The following OPRK1 variants were observed in gnomAD, a reference collection of about 807,000 sequenced individuals.
OPRK1 encodes opioid receptor kappa 1.
Under a neutral mutation model 24.5 loss-of-function variants are expected in OPRK1, and 15 were observed. The ratio of observed to expected loss-of-function variants is 0.61; its 90% CI spans 0.41 to 0.94. OPRK1 has a LOEUF of 0.94. Ranked by LOEUF, OPRK1 falls within the 40% of genes least tolerant of loss-of-function variation. The pLI, the probability that OPRK1 is intolerant of heterozygous loss-of-function variation, is 0.00. For missense variants in OPRK1, 479 were observed against 507.3 expected (o/e 0.94, Z 0.54); for synonymous variants, 205 against 198.0 (o/e 1.04, Z -0.30).
intron 2 of OPRK1, among the ~76,000 whole-genome samples, chr8:53,247,059 T>C (rs1807246947): frequency 6.6e-6 from 1 of 152,196 alleles, no homozygotes; most frequent in Non-Finnish European, 1.5e-5. Flanking sequence ...GGTAGGTTAC[T>C]GGCTTGATCA....
chr8:53,250,068 TCCAC>T (rs1302926656), intron 2 of OPRK1, among the ~76,000 whole-genome samples: 1 of 127,180 alleles, frequency 7.9e-6, no homozygotes, highest in Non-Finnish European at 1.6e-5. Context: ...TGAAGAAATT[TCCAC>T]ACACACACAC....
chr8:53,248,231 C>G (rs1807281063), intron 2 of OPRK1, among the ~76,000 whole-genome samples: 1 of 151,998 alleles, frequency 6.6e-6, no homozygotes, highest in Non-Finnish European at 1.5e-5. Flanking sequence ...TCCAGGGGCC[C>G]AAGGTGGGAA....
chr8:53,238,935 G>A (rs973359705), intron 2 of OPRK1, among the ~76,000 whole-genome samples: 1 of 152,196 alleles, frequency 6.6e-6, no homozygotes, highest in African/African-American at 2.4e-5. Flanking sequence ...TGCTGTTGAG[G>A]TGCATTGCCT....
chr8:53,234,991 A>C lies in OPRK1; in HGVS notation c.378T>G (p.Phe126Leu), dbSNP rs1385730017. 4 of 1,614,208 alleles carry C rather than the reference A, an allele frequency of 2.5e-6. No individual in the cohort carries two copies. Among genetic ancestry groups the C allele is most frequent in the Non-Finnish European group, 3.4e-6 (4 of 1,180,030 alleles). ...TTACTATCTTGCACAGCACATCCCC[A>C]AAAGGCCAGGAATTCATCAAGTAGA... is the stretch of plus-strand genomic sequence containing the variant. ...STVYLMNSWPFGDVLCKIVIS... is the reference protein window; with the variant it reads ...STVYLMNSWPLGDVLCKIVIS... Residue 126 changes from phenylalanine to leucine, a missense_variant, in exon 3 of 4, where the codon TTT (phenylalanine) becomes TTG (leucine). Coordinates refer to ENST00000265572, the MANE Select transcript of OPRK1 (RefSeq NM_000912.5).
At position 53,227,020 on chromosome 8, in the gene OPRK1, G is replaced by A. The variant is rs991497183; in HGVS notation, c.*2277C>T. The A allele has an allele frequency of 6.6e-6, 1 of 152,296 alleles. No individual in the cohort carries two copies. Among genetic ancestry groups the A allele is most frequent in the Non-Finnish European group, 1.5e-5 (1 of 68,096 alleles). 9.4% of individuals were successfully genotyped at this position (152,296 alleles called of 1,614,324 possible). ...CATCTGTAATCCCAGCACTTTGGGA[G>A]GCCGAGGCAGGTGAATATTCTGAGG... On this transcript the variant is annotated 3_prime_UTR_variant, in exon 4 of 4. Transcript: ENST00000265572.
intron 2 of OPRK1, among the ~76,000 whole-genome samples, chr8:53,239,612 C>T (rs1159861132): frequency 6.6e-6 from 1 of 152,194 alleles, no homozygotes; most frequent in Non-Finnish European, 1.5e-5. Flanking sequence ...GTGACAGACA[C>T]TGTCTGGGGA....
At chr8:53,231,845 C>T (rs780804400) in intron 3 of OPRK1, among the ~76,000 whole-genome samples, 4 of 152,146 alleles carry the variant, frequency 2.6e-5, no homozygotes, top group African/African-American at 4.8e-5. Flanking sequence ...AAGCAGAAGC[C>T]GCACAGGGCT....
chr8:53,234,182 C>CAAAAAAAAAAAAAAAAAAAAAAAAAAA lies in OPRK1; in HGVS notation c.610+576_610+577insTTTTTTTTTTTTTTTTTTTTTTTTTTT, dbSNP rs546459906. ...CTGGCAACAGAGCAAGACTCTCTCTCAAAAAAAAAAAAAAAAAAAAATCAG... is the reference window on the plus strand; with the variant it reads ...CTGGCAACAGAGCAAGACTCTCTCTCAAAAAAAAAAAAAAAAAAAAAAAAAAAAAAAAAAAAAAAAAAAAAAAATCAG... On this transcript the variant is annotated intron_variant, in intron 3 of 3. Transcript: ENST00000265572. Among the ~76,000 whole-genome samples, 40 of 65,342 alleles carry CAAAAAAAAAAAAAAAAAAAAAAAAAAA rather than the reference C, an allele frequency of 6.1e-4. 3 individuals are homozygous for CAAAAAAAAAAAAAAAAAAAAAAAAAAA. The highest frequency in any genetic ancestry group is 1.6e-3 in the African/African-American group (20 of 12,454). The allele number at this position is 65,342 out of a possible 152,430, so 42.9% of individuals were successfully genotyped here. A position where few individuals can be genotyped will look rare whatever the true frequency, so the allele number is the denominator to read the frequency against.
intron 2 of OPRK1, among the ~76,000 whole-genome samples, chr8:53,245,947 G>A (rs1807217291): frequency 6.6e-6 from 1 of 152,150 alleles, no homozygotes; most frequent in South Asian, 2.1e-4. Flanking sequence ...TGTCTCTCCT[G>A]ACTTCCTATC....
chr8:53,245,760 C>T (rs1807213728), intron 2 of OPRK1, among the ~76,000 whole-genome samples: 1 of 152,100 alleles, frequency 6.6e-6, no homozygotes, highest in African/African-American at 2.4e-5. Context: ...ACACTCATCT[C>T]GGTACTGCTG....
Position 53,233,263 on chromosome 8 carries a change from C to T in OPRK1, c.610+1496G>A, listed in dbSNP as rs866143916. 3.9e-5 allele frequency among the ~76,000 whole-genome samples: 6 copies of T among 152,120 alleles called. No individual in the cohort carries two copies. In the South Asian group the frequency reaches 8.3e-4, roughly 21 times the overall value. On this transcript the variant is annotated intron_variant, in intron 3 of 3. Coordinates refer to ENST00000265572, the MANE Select transcript of OPRK1 (RefSeq NM_000912.5). ...AACTCCAGGCTCTGAGTGATAACGA[C>T]GTGTCAGTGTGGGTTCAGCAGCTGT...
At chr8:53,246,740 A>C (rs1027750272) in intron 2 of OPRK1, among the ~76,000 whole-genome samples, 2 of 152,066 alleles carry the variant, frequency 1.3e-5, no homozygotes, top group East Asian at 1.9e-4. Flanking sequence ...TGAGGGCTGC[A>C]CTCCAGTGTC....
Position 53,228,115 on chromosome 8 carries a change from G to A in OPRK1, c.*1182C>T, listed in dbSNP as rs907305044. The A allele has an allele frequency of 6.6e-6, 1 of 152,142 alleles. No individual in the cohort carries two copies. The highest frequency in any genetic ancestry group is 1.5e-5 in the Non-Finnish European group (1 of 68,030). The allele number at this position is 152,142 out of a possible 1,614,324, so 9.4% of individuals were successfully genotyped here. A position where few individuals can be genotyped will look rare whatever the true frequency, so the allele number is the denominator to read the frequency against. On this transcript the variant is annotated 3_prime_UTR_variant, in exon 4 of 4. Coordinates refer to ENST00000265572, the MANE Select transcript of OPRK1 (RefSeq NM_000912.5). ...GTCCTGGCACCAGGAGGGACATCATGTCCTCATTCAGCACACATTTAGGAA... is the reference window on the plus strand; with the variant it reads ...GTCCTGGCACCAGGAGGGACATCATATCCTCATTCAGCACACATTTAGGAA...
chr8:53,243,712 A>G (rs1807167659), intron 2 of OPRK1, among the ~76,000 whole-genome samples: 1 of 152,242 alleles, frequency 6.6e-6, no homozygotes, highest in South Asian at 2.1e-4. Flanking sequence ...TTGAGAAATG[A>G]AAGATAGTCT....
chr8:53,243,287 C>T (rs999984413), intron 2 of OPRK1, among the ~76,000 whole-genome samples: 19 of 152,302 alleles, frequency 1.2e-4, no homozygotes, highest in African/African-American at 3.8e-4. Context: ...GCCAACTGCA[C>T]AGCCACATGA....
intron 1 of OPRK1, 82 bp downstream of exon 1, chr8:53,251,366 T>A: frequency 2.5e-6 from 1 of 393,462 alleles, no homozygotes; most frequent in Non-Finnish European, 4.5e-6. Context: ...CCAGACTGCC[T>A]GAGTCCCCAG....
intron 2 of OPRK1, among the ~76,000 whole-genome samples, chr8:53,236,179 C>G (rs1403846884): frequency 2.0e-5 from 3 of 152,220 alleles, no homozygotes; most frequent in African/African-American, 4.8e-5. Flanking sequence ...AACAGAACAG[C>G]TCTTGCTCCT....
intron 3 of OPRK1, among the ~76,000 whole-genome samples, chr8:53,233,963 C>T (rs560175931): frequency 2.6e-5 from 4 of 151,952 alleles, no homozygotes; most frequent in East Asian, 1.9e-4. Flanking sequence ...TTTGGGAGGC[C>T]GAGGCGGGCA....
chr8:53,247,893 A>C (rs1563331746), intron 2 of OPRK1, among the ~76,000 whole-genome samples: 4 of 141,636 alleles, frequency 2.8e-5, no homozygotes. Flanking sequence ...TGGGAGGCTG[A>C]GGTGAGAGAA....
Sources: gnomAD v4.1 joint callset for allele counts (sites outside exome capture counted in the v4.1 genomes callset) on GRCh38, gnomAD v4.1.1 for gene constraint, MANE v1.5 for transcripts, NCBI Gene and HGNC (gene_info 2026-07-23, HGNC 2026-07-21) for gene names.